C1orf94: variants seen among roughly 807,000 people sequenced by gnomAD.
The protein encoded by C1orf94 is chromosome 1 open reading frame 94.
In C1orf94, 45 loss-of-function variants were observed where a neutral mutation model predicts 53.6. That is an observed-to-expected ratio of 0.84 (90% confidence interval 0.66 to 1.08). The LOEUF is 1.08. Ranked by LOEUF, C1orf94 falls within the 50% of genes least tolerant of loss-of-function variation. The pLI, the probability that C1orf94 is intolerant of heterozygous loss-of-function variation, is 0.00. For synonymous variants in C1orf94, 304 were observed against 296.1 expected, an observed-to-expected ratio of 1.03 and a Z score of -0.27; for missense variants, 762 against 738.9, an observed-to-expected ratio of 1.03 and a Z score of -0.36.
At position 34,200,842 on chromosome 1, in the gene C1orf94, C is replaced by A. The variant is rs1489331102; in HGVS notation, c.1080C>A (p.Ser360Arg). ...TCTTTCTCAGCCAGTGGCCCCAGAG[C>A]CAGAAGGACGCCTGTGGTGAGGAGG... ...GSLFLSQWPQSQKDACGEEGC... is the reference protein window; with the variant it reads ...GSLFLSQWPQRQKDACGEEGC... Residue 360 changes from serine to arginine, a missense_variant, in exon 3 of 7, where the codon AGC becomes AGA. Physicochemically the swap from Ser to Arg is moderately radical, Grantham distance 110. Coordinates refer to ENST00000488417, the MANE Select transcript of C1orf94 (RefSeq NM_001134734.2). The A allele has an allele frequency of 2.5e-6, 4 of 1,614,010 alleles. No homozygotes were observed. Among genetic ancestry groups the A allele is most frequent in the Non-Finnish European group, 3.4e-6 (4 of 1,180,034 alleles).
intron 1 of C1orf94, among the ~76,000 whole-genome samples, chr1:34,185,734 C>T (rs1037662821): frequency 6.6e-6 from 1 of 152,220 alleles, no homozygotes; most frequent in Non-Finnish European, 1.5e-5. Flanking sequence ...AGGATGCCCT[C>T]CACCCTTCAC....
chr1:34,212,136 T>TG lies in C1orf94; in HGVS notation c.1525-69dup, dbSNP rs1409075719. ...GACTGAGGAGCACAGGGGCTGAGACTGGGGGTGGGTGGCTGGGGTTAGAGT... is the reference window on the plus strand; with the variant it reads ...GACTGAGGAGCACAGGGGCTGAGACTGGGGGGTGGGTGGCTGGGGTTAGAGT... On this transcript the variant is annotated intron_variant, in intron 5 of 6. Transcript: ENST00000488417. 1.3e-5 allele frequency: 18 copies of TG among 1,380,976 alleles called. No homozygotes were observed. The Middle Eastern group carries it at 9.6e-4, about 73-fold the overall frequency. The allele number at this position is 1,380,976 out of a possible 1,614,324, so 85.5% of individuals were successfully genotyped here.
In C1orf94 at chr1:34,193,882, C is replaced by T. The variant is rs189972208; in HGVS notation, c.321-3343C>T. Among the ~76,000 whole-genome samples the T allele has an allele frequency of 4.1e-3, 631 of 152,316 alleles. 5 individuals are homozygous for T. Among genetic ancestry groups the T allele is most frequent in the African/African-American group, 0.014 (597 of 41,568 alleles). On this transcript the variant is annotated intron_variant, in intron 1 of 6. Coordinates refer to ENST00000488417, the MANE Select transcript of C1orf94 (RefSeq NM_001134734.2). ...GCAGGGCTCACAGCTGGGGCGGGCC[C>T]ATATGTTCTTGACACACCAATGCCA...
chr1:34,205,285 G>T (rs765307432), intron 4 of C1orf94, among the ~76,000 whole-genome samples: 1 of 152,182 alleles, frequency 6.6e-6, no homozygotes, highest in African/African-American at 2.4e-5. Flanking sequence ...GCTGAAGTTG[G>T]CTGTGGAAGG....
Position 34,212,359 on chromosome 1 carries a change from C to A in C1orf94, c.1674C>A (p.Pro558=), listed in dbSNP as rs755634797. 1.9e-6 allele frequency: 3 copies of A among 1,613,660 alleles called. No homozygotes were observed. Among genetic ancestry groups the A allele is most frequent in the South Asian group, 2.2e-5 (2 of 90,992 alleles). The change falls in exon 6 of 7, where the codon CCC becomes CCA. Residue 558 remains proline, a synonymous_variant. Coordinates refer to ENST00000488417, the MANE Select transcript of C1orf94 (RefSeq NM_001134734.2). ...TGTCTGCCAACCCCCGAGACCCTCC[C>A]CTAATGGCAGGAGATGGACCGCAGT... The part of the protein sequence containing the change: ...PKMSANPRDP[P]LMAGDGPQYL...
Position 34,197,257 on chromosome 1 carries a change from TCTC to T in C1orf94, c.356_358del (p.Ser119del), listed in dbSNP as rs1478008051. 9 of 1,544,414 alleles carry T rather than the reference TCTC, an allele frequency of 5.8e-6. No homozygotes were observed. The highest frequency in any genetic ancestry group is 7.0e-6 in the Non-Finnish European group (8 of 1,142,208). On this transcript the variant is annotated inframe_deletion, in exon 2 of 7. Transcript: ENST00000488417. This position sits in a 1 kb window ranked among gnomAD's most constrained non-coding sequence, Gnocchi z 4.1. The stretch of plus-strand genomic sequence containing the variant: ...GAGCTCAGCAGTGGCAAAGATGAGA[TCTC>T]CTTGTTGGTGGAACAGGAGTTCCTA...
intron 4 of C1orf94, among the ~76,000 whole-genome samples, chr1:34,206,317 T>C (rs940775475): frequency 1.3e-5 from 2 of 152,184 alleles, no homozygotes; most frequent in African/African-American, 4.8e-5. Context: ...CTCAGTGCTG[T>C]ACCTGAGGGA....
chr1:34,177,670 C>T lies in C1orf94; in HGVS notation c.-120C>T, dbSNP rs1642249886. 1.1e-6 allele frequency: 1 copy of T among 896,068 alleles called. No homozygotes were observed. The highest frequency in any genetic ancestry group is 2.0e-5 in the South Asian group (1 of 49,300). 55.5% of individuals were successfully genotyped at this position (896,068 alleles called of 1,614,324 possible). On this transcript the variant is annotated 5_prime_UTR_variant, in exon 1 of 7. Transcript: ENST00000488417. ...CTCCCCTCCCCAAAAGAAAGCTGTC[C>T]TCCACCCACCCCTCCCACACAAATA...
intron 1 of C1orf94, among the ~76,000 whole-genome samples, chr1:34,186,125 A>G (rs988161402): frequency 5.9e-5 from 9 of 152,178 alleles, no homozygotes; most frequent in African/African-American, 2.2e-4. Context: ...ATAAACAACT[A>G]TGTCCCACCT....
At chr1:34,173,432 G>A (rs923585486), upstream of C1orf94, among the ~76,000 whole-genome samples, 8 of 152,088 alleles carry the variant, frequency 5.3e-5, no homozygotes, top group South Asian at 2.1e-4. Flanking sequence ...CCATTCCCAC[G>A]TTTCTGAGTT....
chr1:34,186,965 G>C (rs1642393603), intron 1 of C1orf94, among the ~76,000 whole-genome samples: 1 of 152,182 alleles, frequency 6.6e-6, no homozygotes, highest in African/African-American at 2.4e-5. Flanking sequence ...GAAGTGAATG[G>C]TGAATAAGCC....
intron 6 of C1orf94, among the ~76,000 whole-genome samples, chr1:34,215,993 A>C (rs1285468521): frequency 6.6e-6 from 1 of 152,156 alleles, no homozygotes; most frequent in African/African-American, 2.4e-5. Context: ...GTGACAGAGC[A>C]CAACTCCATC....
At chr1:34,185,836 G>A (rs1415330534) in intron 1 of C1orf94, among the ~76,000 whole-genome samples, 1 of 152,162 alleles carries the variant, frequency 6.6e-6, no homozygotes, top group Non-Finnish European at 1.5e-5. Context: ...GGTTTTCAGG[G>A]GTCTCTGTAG....
chr1:34,170,014 G>A (rs1642121436), intron 1 of C1orf94, among the ~76,000 whole-genome samples: 1 of 152,220 alleles, frequency 6.6e-6, no homozygotes, highest in African/African-American at 2.4e-5. Context: ...TGACATTCTT[G>A]GTGAAAATTC....
In C1orf94 at chr1:34,201,177, A is replaced by G. The variant is rs1642701713; in HGVS notation, c.1270+145A>G. 4.4e-5 allele frequency: 54 copies of G among 1,221,298 alleles called. No individual in the cohort carries two copies. In the South Asian group the frequency reaches 6.0e-4, roughly 14 times the overall value. 75.7% of individuals were successfully genotyped at this position (1,221,298 alleles called of 1,614,324 possible). ...TTTTTAAACCCATAAAATGGGGGCA[A>G]TGACTTTCTCCCCATATCCCTTGTT... is the stretch of plus-strand genomic sequence containing the variant. On this transcript the variant is annotated intron_variant, in intron 3 of 6. Transcript: ENST00000488417.
At chr1:34,211,006 C>T (rs1642880310) in intron 5 of C1orf94, among the ~76,000 whole-genome samples, 1 of 151,890 alleles carries the variant, frequency 6.6e-6, no homozygotes, top group South Asian at 2.1e-4. Context: ...AGAGGGCTGT[C>T]AGAGTGCCTG....
chr1:34,197,599 CCAACTTGCAAGTCAG>C lies in C1orf94; in HGVS notation c.699_713del (p.Asn233_Ser237del). 1 of 1,614,162 alleles carries C rather than the reference CCAACTTGCAAGTCAG, an allele frequency of 6.2e-7. No homozygotes were observed. The highest frequency in any genetic ancestry group is 1.6e-4 in the Middle Eastern group (1 of 6,062). Reference sequence around the variant, plus strand: ...GACAGGGGCCGCATCCTAGGTGACTCCAACTTGCAAGTCAGCAAGCTTCTGTCCCAGTTCCCACTG... The same window carrying C: ...GACAGGGGCCGCATCCTAGGTGACTCCAAGCTTCTGTCCCAGTTCCCACTG... On this transcript the variant is annotated inframe_deletion, in exon 2 of 7. Coordinates refer to ENST00000488417, the MANE Select transcript of C1orf94 (RefSeq NM_001134734.2). This position sits in a 1 kb window ranked among gnomAD's most constrained non-coding sequence, Gnocchi z 4.1.
intron 1 of C1orf94, among the ~76,000 whole-genome samples, chr1:34,185,261 C>A (rs951200903): frequency 7.9e-5 from 12 of 152,142 alleles, no homozygotes; most frequent in Admixed American, 1.3e-4. Flanking sequence ...CTCACTGCAA[C>A]CTCCACCTCC....
intron 1 of C1orf94, among the ~76,000 whole-genome samples, chr1:34,184,824 GT>G (rs1049612178): frequency 6.6e-6 from 1 of 150,842 alleles, no homozygotes; most frequent in South Asian, 2.1e-4. Flanking sequence ...AGCCTCTTTT[GT>G]TTTTTTTGGT....
Sources: gnomAD v4.1 joint callset for allele counts (sites outside exome capture counted in the v4.1 genomes callset) on GRCh38, gnomAD v4.1.1 for gene constraint, Gnocchi (gnomAD v3.1) non-coding constraint, MANE v1.5 for transcripts, NCBI Gene and HGNC (gene_info 2026-07-23, HGNC 2026-07-21) for gene names.